The following ZNFX1 variants were observed in gnomAD, a reference collection of about 807,000 sequenced individuals.
The protein encoded by ZNFX1 is NFX1-type zinc finger-containing protein 1.
Under a neutral mutation model 179.8 loss-of-function variants are expected in ZNFX1, and 78 were observed. The ratio of observed to expected loss-of-function variants is 0.43; its 90% CI spans 0.36 to 0.52. The LOEUF (loss-of-function observed/expected upper bound fraction) is 0.52, where lower values mean the gene tolerates loss of function less well. ZNFX1 is among the 20% of genes least tolerant of loss of function. The probability of loss-of-function intolerance (pLI) is 0.00; values close to 1 mark genes in which losing one functional copy is unlikely to be tolerated. For missense variants in ZNFX1, 1,927 were observed against 2,386.6 expected, an observed-to-expected ratio of 0.81 and a Z score of 4.01; for synonymous variants, 848 against 868.5, an observed-to-expected ratio of 0.98 and a Z score of 0.42.
In ZNFX1 at chr20:49,271,457, A is replaced by G; in HGVS notation, c.355T>C (p.Trp119Arg). 6.2e-7 allele frequency: 1 copy of G among 1,614,160 alleles called. No homozygotes were observed. The highest frequency in any genetic ancestry group is 8.5e-7 in the Non-Finnish European group (1 of 1,180,016). Reference sequence around the variant, plus strand: ...CACTGCTGGAAGTTGTCATTGGACCATGGTGGTCTGCGGTTCCTACAGTCC... The same window carrying G: ...CACTGCTGGAAGTTGTCATTGGACCGTGGTGGTCTGCGGTTCCTACAGTCC... Reference protein sequence around the residue: ...NQDCRNRRPPWSNDNFQQWRT... With the variant: ...NQDCRNRRPPRSNDNFQQWRT... Residue 119 changes from tryptophan to arginine, a missense_variant, in exon 3 of 14, where the codon TGG becomes CGG. By Grantham distance (101) the Trp-to-Arg change is moderately radical (BLOSUM62 -3). Transcript: ENST00000396105.
chr20:49,274,561 C>A (rs1477480218), intron 2 of ZNFX1, among the ~76,000 whole-genome samples: 2 of 151,624 alleles, frequency 1.3e-5, no homozygotes, highest in Non-Finnish European at 2.9e-5. Context: ...AGTTTGAGAC[C>A]ATTCTGGTCC....
Position 49,250,116 on chromosome 20 carries a change from G to A in ZNFX1, c.3313-405C>T, listed in dbSNP as rs187628277. On this transcript the variant is annotated intron_variant, in intron 13 of 13. Transcript: ENST00000396105. ...CTAAAAATACAAAAATTAGCTGGGC[G>A]TGGTAGTGGGCGCCTATAATCCCAG... Among the ~76,000 whole-genome samples the A allele has an allele frequency of 1.6e-3, 239 of 152,192 alleles. 1 individual carries two copies. Among genetic ancestry groups the A allele is most frequent in the Non-Finnish European group, 2.9e-3 (196 of 68,006 alleles).
rs1166223120 is a variant in ZNFX1, at chr20:49,248,088, T to C, written c.4936A>G (p.Ile1646Val). The C allele has an allele frequency of 6.2e-7, 1 of 1,614,236 alleles. No individual in the cohort carries two copies. Among genetic ancestry groups the C allele is most frequent in the Admixed American group, 1.7e-5 (1 of 60,026 alleles). ...GCTGAGCCCTGGATCTTTTCCTTGA[T>C]GATTTCAATCTCTTCTAGCCGCTGT... ...IKQRLEEIEI[I>V]KEKIQGSAGE... The change falls in exon 14 of 14, where the codon ATC (isoleucine) becomes GTC (valine). Residue 1646 changes from isoleucine to valine, a missense_variant. Ile to Val is a conservative substitution (Grantham distance 29). Transcript: ENST00000396105. The surrounding 1 kb of genome is among the most constrained non-coding windows in gnomAD (Gnocchi z 4.6).
intron 8 of ZNFX1, among the ~76,000 whole-genome samples, chr20:49,257,141 G>C (rs910434966): frequency 1.3e-5 from 2 of 152,188 alleles, no homozygotes. Flanking sequence ...TGTTTGACCT[G>C]ACTCATATGT....
chr20:49,270,947 C>T lies in ZNFX1; in HGVS notation c.865G>A (p.Glu289Lys). 1.2e-6 allele frequency: 2 copies of T among 1,614,130 alleles called. No individual in the cohort carries two copies. Among genetic ancestry groups the T allele is most frequent in the Non-Finnish European group, 1.7e-6 (2 of 1,180,012 alleles). The change falls in exon 3 of 14, where the codon GAG becomes AAG. Residue 289 changes from glutamate (E) to lysine (K), a missense_variant. By Grantham distance (56) the Glu-to-Lys change is moderately conservative. Coordinates refer to ENST00000396105, the MANE Select transcript of ZNFX1 (RefSeq NM_021035.3). The surrounding 1 kb of genome is among the most constrained non-coding windows in gnomAD (Gnocchi z 4.6). ...TTTTCCAGGTTCTTCTCCGTTTCCT[C>T]TTCTATGTCAACACCAGAGGCTCTC... The part of the protein sequence containing the change: ...ALRASGVDIE[E>K]ETEKNLEKVQ...
At chr20:49,264,294 C>T (rs1235512791) in intron 5 of ZNFX1, among the ~76,000 whole-genome samples, 2 of 152,204 alleles carry the variant, frequency 1.3e-5, no homozygotes, top group Non-Finnish European at 2.9e-5. Flanking sequence ...TCAACCTACA[C>T]AACAGAAAAA....
At chr20:49,266,349 T>C in intron 3 of ZNFX1, 83 bp from the exon 4 acceptor site, 1 of 1,298,186 alleles carries the variant, frequency 7.7e-7, no homozygotes, top group Admixed American at 2.7e-5. Flanking sequence ...TTTTTTTAAA[T>C]TTAATATAAT....
intron 7 of ZNFX1, 65 bp from the exon 8 acceptor site, chr20:49,257,729 TCTCG>T: frequency 6.7e-7 from 1 of 1,492,456 alleles, no homozygotes; most frequent in Non-Finnish European, 8.8e-7. Flanking sequence ...TGATATGGAA[TCTCG>T]CTCTTTTGCC....
chr20:49,255,672 T>A (rs953335352), intron 9 of ZNFX1, 136 bp downstream of exon 9: 13 of 959,690 alleles, frequency 1.4e-5, no homozygotes, highest in African/African-American at 6.6e-5. Context: ...CCCATGGCTG[T>A]ATCCCTATCA....
At chr20:49,276,164 C>A (rs1406052697) in intron 1 of ZNFX1, among the ~76,000 whole-genome samples, 1 of 152,178 alleles carries the variant, frequency 6.6e-6, no homozygotes, top group Non-Finnish European at 1.5e-5. Flanking sequence ...TCATCAATTC[C>A]CATTCAAAAC....
chr20:49,261,653 T>G (rs553489135), intron 6 of ZNFX1, among the ~76,000 whole-genome samples: 1 of 66,832 alleles, frequency 1.5e-5, no homozygotes, highest in South Asian at 4.6e-4. Context: ...CACAAGTTTT[T>G]TTTTTTTTTT....
Position 49,249,449 on chromosome 20 carries a change from T to C in ZNFX1, c.3575A>G (p.Asn1192Ser), listed in dbSNP as rs1264661741. The change falls in exon 14 of 14, where the codon AAT becomes AGT. Residue 1192 changes from asparagine to serine, a missense_variant. Transcript: ENST00000396105. Reference protein sequence around the residue: ...HVVDKYQGEENDIILLSLVRS... With the variant: ...HVVDKYQGEESDIILLSLVRS... The stretch of plus-strand genomic sequence containing the variant: ...CACTAGCGAGAGGAGGATGATGTCA[T>C]TCTCTTCCCCTTGGTATTTGTCCAC... 1 of 1,614,126 alleles carries C rather than the reference T, an allele frequency of 6.2e-7. No homozygotes were observed. Among genetic ancestry groups the C allele is most frequent in the East Asian group, 2.2e-5 (1 of 44,888 alleles).
chr20:49,260,950 G>A (rs2146735415), intron 6 of ZNFX1, among the ~76,000 whole-genome samples: 1 of 152,326 alleles, frequency 6.6e-6, no homozygotes, highest in African/African-American at 2.4e-5. Context: ...GCATAGTGGT[G>A]CATGCCTGTA....
intron 5 of ZNFX1, among the ~76,000 whole-genome samples, chr20:49,263,992 G>A (rs981767351): frequency 1.3e-5 from 2 of 152,104 alleles, no homozygotes; most frequent in African/African-American, 4.8e-5. Flanking sequence ...GGGAGGCCGA[G>A]GCGGGTGGAC....
Position 49,248,383 on chromosome 20 carries a change from G to A in ZNFX1, c.4641C>T (p.Gly1547=), listed in dbSNP as rs779931568. 8 of 1,611,540 alleles carry A rather than the reference G, an allele frequency of 5.0e-6. No homozygotes were observed. The highest frequency in any genetic ancestry group is 6.8e-6 in the Non-Finnish European group (8 of 1,178,316). ...CCCCACAGAGACCAATGCAGGGGTG[G>A]CCACAAACTAGCAGCTTAGTACAAG... The part of the protein sequence containing the change: ...YVPCTKLLVC[G]HPCIGLCGEP... Residue 1547 remains glycine (G), a synonymous_variant, in exon 14 of 14, where the codon GGC becomes GGT. Transcript: ENST00000396105. The surrounding 1 kb of genome is among the most constrained non-coding windows in gnomAD (Gnocchi z 4.6).
Position 49,269,946 on chromosome 20 carries a change from T to A in ZNFX1, c.1866A>T (p.Gly622=). The A allele has an allele frequency of 1.9e-6, 3 of 1,598,916 alleles. No individual in the cohort carries two copies. The highest frequency in any genetic ancestry group is 2.6e-6 in the Non-Finnish European group (3 of 1,174,314). The change falls in exon 3 of 14, where the codon GGA becomes GGT. Residue 622 remains glycine, a synonymous_variant. Transcript: ENST00000396105. ...RELAIIQGPP[G]TGKTYVGLKI... is the part of the protein sequence containing the mutation. Reference sequence around the variant, plus strand: ...CTCTAAAAAATTTTGTCTTACCTGTTCCAGGAGGTCCTTGAATAATAGCCA... The same window carrying A: ...CTCTAAAAAATTTTGTCTTACCTGTACCAGGAGGTCCTTGAATAATAGCCA...
In ZNFX1 at chr20:49,275,906, C is replaced by T; in HGVS notation, c.-48-19G>A. The T allele has an allele frequency of 6.4e-7, 1 of 1,559,106 alleles. No individual in the cohort carries two copies. Among genetic ancestry groups the T allele is most frequent in the East Asian group, 2.2e-5 (1 of 44,608 alleles). ...TGGAAAACTGCACATGTTGAGTTATCAGTGTCCTCGAAACATAGCATCTAG... is the reference window on the plus strand; with the variant it reads ...TGGAAAACTGCACATGTTGAGTTATTAGTGTCCTCGAAACATAGCATCTAG... On this transcript the variant is annotated intron_variant, in intron 1 of 13. Transcript: ENST00000396105.
chr20:49,265,587 A>G (rs1461424679), intron 4 of ZNFX1, among the ~76,000 whole-genome samples: 1 of 152,240 alleles, frequency 6.6e-6, no homozygotes, highest in Non-Finnish European at 1.5e-5. Flanking sequence ...AAATAAAGGA[A>G]AAGCATATAT....
chr20:49,246,713 C>T lies in ZNFX1; in HGVS notation c.*554G>A, dbSNP rs1361420888. ...AAGCCCCAAACATGTTCCAGGGAGTCTGTCCACTAATTTGCAGGAGAGAAG... is the reference window on the plus strand; with the variant it reads ...AAGCCCCAAACATGTTCCAGGGAGTTTGTCCACTAATTTGCAGGAGAGAAG... On this transcript the variant is annotated 3_prime_UTR_variant, in exon 14 of 14. Coordinates refer to ENST00000396105, the MANE Select transcript of ZNFX1 (RefSeq NM_021035.3). 1 of 386,278 alleles carries T rather than the reference C, an allele frequency of 2.6e-6. No individual in the cohort carries two copies. The highest frequency in any genetic ancestry group is 5.1e-6 in the Non-Finnish European group (1 of 196,262). The allele number at this position is 386,278 out of a possible 1,614,324, so 23.9% of individuals were successfully genotyped here. A position where few individuals can be genotyped will look rare whatever the true frequency, so the allele number is the denominator to read the frequency against.
Sources: allele counts gnomAD v4.1 joint callset (sites outside exome capture counted in the v4.1 genomes callset), GRCh38; gene constraint gnomAD v4.1.1; non-coding constraint Gnocchi (gnomAD v3.1); transcripts MANE v1.5; gene names NCBI Gene and HGNC (gene_info 2026-07-23, HGNC 2026-07-21).